KCNIP4: variants seen among roughly 807,000 people sequenced by gnomAD.
KCNIP4 encodes the protein Kv channel-interacting protein 4.
In KCNIP4, 12 loss-of-function variants were observed where a neutral mutation model predicts 34.0. The ratio of observed to expected loss-of-function variants is 0.35; its 90% confidence interval spans 0.23 to 0.57. The LOEUF (loss-of-function observed/expected upper bound fraction) is 0.57, where lower values mean the gene tolerates loss of function less well. Among genes scored for constraint, KCNIP4 ranks in the 20% least tolerant of loss-of-function variants. The pLI is 0.83. For synonymous variants in KCNIP4, 124 were observed against 102.2 expected, an observed-to-expected ratio of 1.21 and a Z score of -1.29; for missense variants, 238 against 311.7, an observed-to-expected ratio of 0.76 and a Z score of 1.78.
intron 1 of KCNIP4, among the ~76,000 whole-genome samples, chr4:21,158,695 TAA>T (rs897888740): frequency 6.6e-6 from 1 of 152,134 alleles, no homozygotes; most frequent in African/African-American, 2.4e-5. Context: ...TGGTTATATT[TAA>T]AAAACTTAAT....
intron 1 of KCNIP4, among the ~76,000 whole-genome samples, chr4:21,754,431 T>C (rs564972002): frequency 5.9e-5 from 9 of 152,340 alleles, no homozygotes; most frequent in South Asian, 4.1e-4. Flanking sequence ...TCTGGCTTAT[T>C]ATAGGAGATG....
chr4:21,543,074 C>A (rs991509806), intron 1 of KCNIP4, among the ~76,000 whole-genome samples: 6 of 151,794 alleles, frequency 4.0e-5, no homozygotes, highest in Non-Finnish European at 7.4e-5. Context: ...AATTTGACAA[C>A]AATCCTAAAA....
chr4:21,019,970 T>C lies in KCNIP4; in HGVS notation c.62-137261A>G, dbSNP rs187413760. Among the ~76,000 whole-genome samples the C allele has an allele frequency of 1.9e-3, 290 of 152,268 alleles. 6 individuals carry two copies. In the South Asian group the frequency reaches 0.053, roughly 28 times the overall value. ...TAAGCTATACACCAGAGTTCAGAAA[T>C]TGATAGTTAAGAGGCACATTTGGCC... On this transcript the variant is annotated intron_variant, in intron 1 of 8. Transcript: ENST00000382152.
intron 1 of KCNIP4, among the ~76,000 whole-genome samples, chr4:21,104,200 A>C (rs967335510): frequency 2.6e-5 from 4 of 151,916 alleles, no homozygotes; most frequent in African/African-American, 9.7e-5. Flanking sequence ...ACTAGTTTAC[A>C]GTCCCACCAA....
chr4:21,562,659 T>G (rs554550643), intron 1 of KCNIP4, among the ~76,000 whole-genome samples: 1 of 152,024 alleles, frequency 6.6e-6, no homozygotes, highest in Non-Finnish European at 1.5e-5. Context: ...AAACTTTTTT[T>G]AAAAACTGTA....
intron 1 of KCNIP4, among the ~76,000 whole-genome samples, chr4:21,504,934 T>G (rs1733704196): frequency 6.6e-6 from 1 of 152,194 alleles, no homozygotes; most frequent in Non-Finnish European, 1.5e-5. Flanking sequence ...GTCCTCTTTG[T>G]GGTAAGGTAG....
At chr4:20,846,222 TAGA>T (rs762552207) in intron 3 of KCNIP4, among the ~76,000 whole-genome samples, 2 of 152,180 alleles carry the variant, frequency 1.3e-5, no homozygotes, top group African/African-American at 4.8e-5. Flanking sequence ...GAAGATTCCA[TAGA>T]AGAAGGAACC....
At chr4:21,342,125 C>A (rs1027750725) in intron 1 of KCNIP4, among the ~76,000 whole-genome samples, 1 of 152,042 alleles carries the variant, frequency 6.6e-6, no homozygotes, top group African/African-American at 2.4e-5. Flanking sequence ...CTTCCCCCTG[C>A]ATAAGCTAGC....
intron 1 of KCNIP4, among the ~76,000 whole-genome samples, chr4:21,168,454 T>G (rs1753791902): frequency 6.6e-6 from 1 of 152,180 alleles, no homozygotes; most frequent in Admixed American, 6.5e-5. Context: ...AAAGTTTCTG[T>G]TAGGCACAGG....
chr4:21,024,545 T>C (rs1437551242), intron 1 of KCNIP4, among the ~76,000 whole-genome samples: 1 of 152,240 alleles, frequency 6.6e-6, no homozygotes, highest in Non-Finnish European at 1.5e-5. Context: ...TAAATATTTT[T>C]AAAGCTTACA....
intron 1 of KCNIP4, among the ~76,000 whole-genome samples, chr4:21,319,926 T>C (rs931706109): frequency 1.3e-5 from 2 of 152,182 alleles, no homozygotes; most frequent in African/African-American, 4.8e-5. Flanking sequence ...GGTGAGTGTT[T>C]TGCAAATAGA....
At chr4:21,142,413 A>G (rs1199989908) in intron 1 of KCNIP4, among the ~76,000 whole-genome samples, 1 of 152,156 alleles carries the variant, frequency 6.6e-6, no homozygotes, top group Admixed American at 6.5e-5. Context: ...AGTTACATCT[A>G]CACATCCCAG....
At chr4:21,918,491 G>C (rs992818304) in intron 1 of KCNIP4, among the ~76,000 whole-genome samples, 15 of 152,000 alleles carry the variant, frequency 9.9e-5, no homozygotes, top group African/African-American at 3.4e-4. Context: ...GAGAACTGGG[G>C]AGAGTCAGGT....
chr4:21,800,687 G>A (rs1401031104), intron 1 of KCNIP4, among the ~76,000 whole-genome samples: 3 of 152,060 alleles, frequency 2.0e-5, no homozygotes, highest in Non-Finnish European at 4.4e-5. Context: ...AAGGACTGAG[G>A]CAATAATAAA....
chr4:21,796,550 T>A (rs1459803593), intron 1 of KCNIP4, among the ~76,000 whole-genome samples: 1 of 152,210 alleles, frequency 6.6e-6, no homozygotes, highest in Non-Finnish European at 1.5e-5. Flanking sequence ...TTAAATTGTG[T>A]ACTTGAGAAA....
intron 1 of KCNIP4, among the ~76,000 whole-genome samples, chr4:21,146,051 A>G (rs1752319984): frequency 6.6e-6 from 1 of 152,194 alleles, no homozygotes; most frequent in Admixed American, 6.5e-5. Flanking sequence ...ATCATCGAAA[A>G]TATTGTTTTA....
intron 1 of KCNIP4, among the ~76,000 whole-genome samples, chr4:21,573,623 G>T (rs934591904): frequency 1.3e-5 from 2 of 151,916 alleles, no homozygotes; most frequent in Non-Finnish European, 2.9e-5. Context: ...CAATACCTTA[G>T]CTGTGTTCTC....
intron 2 of KCNIP4, among the ~76,000 whole-genome samples, chr4:20,853,932 A>T (rs1228853040): frequency 6.6e-6 from 1 of 152,184 alleles, no homozygotes; most frequent in Non-Finnish European, 1.5e-5. Flanking sequence ...GCAAATCAAA[A>T]CCACAATGCA....
At chr4:21,080,674 G>C (rs890515801) in intron 1 of KCNIP4, among the ~76,000 whole-genome samples, 1 of 151,566 alleles carries the variant, frequency 6.6e-6, no homozygotes, top group African/African-American at 2.4e-5. Flanking sequence ...TCTCTCCTAA[G>C]ATATAAGATC....
Sources: allele counts gnomAD v4.1 joint callset (sites outside exome capture counted in the v4.1 genomes callset), GRCh38; gene constraint gnomAD v4.1.1; transcripts MANE v1.5; gene names NCBI Gene and HGNC (gene_info 2026-07-23, HGNC 2026-07-21).